RGN: variants seen among roughly 807,000 people sequenced by gnomAD.
RGN encodes epididymis secretory protein Li 41.
In RGN, 19 loss-of-function variants were observed where a neutral mutation model predicts 20.6. That is an observed-to-expected ratio of 0.92 (90% CI 0.64 to 1.35). The LOEUF is 1.35. Ranked by LOEUF, RGN falls within the 40% of genes most tolerant of loss-of-function variation. The pLI is 0.00. For synonymous variants in RGN, 85 were observed against 87.2 expected (o/e 0.97, Z 0.14); for missense variants, 302 against 232.7 (o/e 1.30, Z -1.94).
chrX:47,083,702 G>A (rs1930449965), intron 3 of RGN, among the ~76,000 whole-genome samples: 1 of 111,806 alleles, frequency 8.9e-6, no homozygotes, highest in Non-Finnish European at 1.9e-5. Context: ...CCTGAGGTCA[G>A]GAGTTCGAAA....
intron 4 of RGN, among the ~76,000 whole-genome samples, chrX:47,086,276 T>C (rs961966660): frequency 3.6e-5 from 4 of 111,405 alleles, no homozygotes; most frequent in Non-Finnish European, 7.5e-5. Flanking sequence ...GTTCTCAGGG[T>C]AACCCATCTG....
chrX:47,090,469 C>G (rs1347121109), intron 5 of RGN, among the ~76,000 whole-genome samples: 2 of 109,428 alleles, frequency 1.8e-5, no homozygotes, highest in Non-Finnish European at 3.8e-5. Flanking sequence ...AATTACCAAC[C>G]TTTCAAAATG....
chrX:47,089,755 A>G, intron 4 of RGN, 21 bp from the exon 5 acceptor site: 2 of 1,173,357 alleles, frequency 1.7e-6, no homozygotes, highest in Non-Finnish European at 2.3e-6. Flanking sequence ...GGCAGAGCTC[A>G]GTGCTCTTTG....
intron 4 of RGN, among the ~76,000 whole-genome samples, chrX:47,085,376 C>A (rs921507120): frequency 9.1e-6 from 1 of 109,919 alleles, no homozygotes; most frequent in Non-Finnish European, 1.9e-5. Flanking sequence ...AAAAATTAGC[C>A]GGGCGTGGTG....
chrX:47,083,925 C>CA (rs1158565764), intron 3 of RGN, among the ~76,000 whole-genome samples: 6,621 of 101,105 alleles, frequency 0.065, 547 homozygotes, highest in African/African-American at 0.22. Context: ...ACAAAACAAA[C>CA]AAAAAAAAAA....
chrX:47,090,819 C>T (rs781986437), intron 5 of RGN, among the ~76,000 whole-genome samples: 147 of 101,235 alleles, frequency 1.5e-3, no homozygotes, highest in Non-Finnish European at 2.3e-3. Flanking sequence ...GCCGAGATCG[C>T]GCCACTGTAC....
At chrX:47,082,917 C>T (rs1412786496) in intron 3 of RGN, among the ~76,000 whole-genome samples, 3 of 109,753 alleles carry the variant, frequency 2.7e-5, no homozygotes, top group Non-Finnish European at 5.7e-5. Flanking sequence ...TCCTTGGGAC[C>T]CTTGATGGCT....
At chrX:47,084,766 C>T (rs1299028842) in intron 4 of RGN, 166 bp downstream of exon 4, 9 of 406,829 alleles carry the variant, frequency 2.2e-5, no homozygotes, top group Non-Finnish European at 3.7e-5. Context: ...ACTGCCTGGG[C>T]AACATAGTGA....
In RGN at chrX:47,082,303, C is replaced by CTTTTT. The variant is rs11286766; in HGVS notation, c.163+1017_163+1021dup. Among the ~76,000 whole-genome samples the CTTTTT allele has an allele frequency of 6.3e-3, 376 of 59,213 alleles. 16 individuals are homozygous for CTTTTT. Among genetic ancestry groups the CTTTTT allele is most frequent in the South Asian group, 9.5e-3 (7 of 736 alleles). 51.4% of individuals were successfully genotyped at this position (59,213 alleles called of 115,157 possible). A position where few individuals can be genotyped will look rare whatever the true frequency, so the allele number is the denominator to read the frequency against. On this transcript the variant is annotated intron_variant, in intron 3 of 7. Transcript: ENST00000397180. Reference sequence around the variant, plus strand: ...TCTCAACCCAGAACTGGGACCTCAACTTTTTTTTTTTTTTTTTTTTTTTTT... The same window carrying CTTTTT: ...TCTCAACCCAGAACTGGGACCTCAACTTTTTTTTTTTTTTTTTTTTTTTTTTTTTT...
intron 3 of RGN, 21 bp from the exon 4 acceptor site, chrX:47,084,397 A>C (rs1930487156): frequency 8.6e-7 from 1 of 1,169,196 alleles, no homozygotes; most frequent in African/African-American, 1.8e-5. Context: ...CTGTTTTTTA[A>C]CTGTTGCTTT....
At chrX:47,082,652 T>G (rs973395097) in intron 3 of RGN, among the ~76,000 whole-genome samples, 7 of 111,202 alleles carry the variant, frequency 6.3e-5, no homozygotes, top group Non-Finnish European at 1.3e-4. Flanking sequence ...AACAAATTTT[T>G]AATTCACCCA....
intron 6 of RGN, 123 bp from the exon 7 acceptor site, chrX:47,091,938 G>A (rs1381917792): frequency 1.9e-5 from 19 of 977,958 alleles, no homozygotes; most frequent in Non-Finnish European, 2.4e-5. Flanking sequence ...AGGGAAAGTA[G>A]ATTAAATATT....
At position 47,084,329 on chromosome X, in the gene RGN, G is replaced by A. The variant is rs995931396; in HGVS notation, c.164-89G>A. Reference sequence around the variant, plus strand: ...CCATTGTCACGAGAGCTGGGCTCCCGCTCTAAGAGATGCCAGGTAGCACAG... The same window carrying A: ...CCATTGTCACGAGAGCTGGGCTCCCACTCTAAGAGATGCCAGGTAGCACAG... On this transcript the variant is annotated intron_variant, in intron 3 of 7. Coordinates refer to ENST00000397180, the MANE Select transcript of RGN (RefSeq NM_152869.4). The A allele has an allele frequency of 9.4e-5, 77 of 818,471 alleles. No homozygotes were observed. The African/African-American group carries it at 1.4e-3, about 15-fold the overall frequency. 67.5% of individuals were successfully genotyped at this position (818,471 alleles called of 1,213,427 possible). A position where few individuals can be genotyped will look rare whatever the true frequency, so the allele number is the denominator to read the frequency against.
chrX:47,090,282 C>A (rs1230034451), intron 5 of RGN, among the ~76,000 whole-genome samples: 1 of 111,090 alleles, frequency 9.0e-6, no homozygotes, highest in African/African-American at 3.3e-5. Context: ...CAATCCTTTT[C>A]CTTGCCATCA....
At position 47,089,906 on chromosome X, in the gene RGN, G is replaced by A. The variant is rs1412484951; in HGVS notation, c.477G>A (p.Ser159=). 5 of 1,207,646 alleles carry A rather than the reference G, an allele frequency of 4.1e-6. No homozygotes were observed. Among genetic ancestry groups the A allele is most frequent in the Non-Finnish European group, 4.5e-6 (4 of 892,804 alleles). Residue 159 remains serine (S), a synonymous_variant, in exon 5 of 8, where the codon TCG becomes TCA. Transcript: ENST00000397180. ...QVDISNGLDW[S]LDHKIFYYID... is the part of the protein sequence containing the mutation. ...ACATTTCCAATGGTTTGGATTGGTCGCTAGACCACAAAATCTTCTATTACA... is the reference window on the plus strand; with the variant it reads ...ACATTTCCAATGGTTTGGATTGGTCACTAGACCACAAAATCTTCTATTACA...
chrX:47,090,361 T>G (rs1556387051), intron 5 of RGN, among the ~76,000 whole-genome samples: 1 of 111,619 alleles, frequency 9.0e-6, no homozygotes, highest in African/African-American at 3.3e-5. Context: ...CAGATAATAC[T>G]TAATGGAGTA....
chrX:47,089,630 CACATAT>C (rs1569540587), intron 4 of RGN, 140 bp from the exon 5 acceptor site: 1 of 224,328 alleles, frequency 4.5e-6, no homozygotes, highest in African/African-American at 4.3e-5. Context: ...CACACACACA[CACATAT>C]ATATATATGG....
At chrX:47,082,356 G>T (rs1556381849) in intron 3 of RGN, among the ~76,000 whole-genome samples, 1 of 92,210 alleles carries the variant, frequency 1.1e-5, no homozygotes, top group Non-Finnish European at 2.1e-5. Context: ...TGCCACCCAG[G>T]CTGGAGTGCA....
chrX:47,090,931 AG>A (rs1569540733), intron 5 of RGN, among the ~76,000 whole-genome samples: 2 of 29,508 alleles, frequency 6.8e-5, no homozygotes, highest in Non-Finnish European at 1.7e-4. Flanking sequence ...AAAGAAAGAA[AG>A]AAAGAAAGAA....
Sources: gnomAD v4.1 joint callset for allele counts (sites outside exome capture counted in the v4.1 genomes callset) on GRCh38, gnomAD v4.1.1 for gene constraint, MANE v1.5 for transcripts, NCBI Gene and HGNC (gene_info 2026-07-23, HGNC 2026-07-21) for gene names.